Variants in KAT6B observed in about 807,000 individuals in gnomAD.
The protein encoded by KAT6B is lysine acetyltransferase 6B.
KAT6B carries 10 observed loss-of-function variants against 187.5 expected under a neutral mutation model. The ratio of observed to expected loss-of-function variants is 0.05; its 90% CI spans 0.03 to 0.09. The LOEUF (loss-of-function observed/expected upper bound fraction) is 0.09, where lower values mean the gene tolerates loss of function less well. Ranked by LOEUF, KAT6B falls within the 10% of genes least tolerant of loss-of-function variation. The probability of loss-of-function intolerance (pLI) is 1.00; values close to 1 mark genes in which losing one functional copy is unlikely to be tolerated. For synonymous variants in KAT6B, 861 were observed against 926.8 expected, an observed-to-expected ratio of 0.93 and a Z score of 1.29; for missense variants, 1,952 against 2,558.9, an observed-to-expected ratio of 0.76 and a Z score of 5.12.
chr10:74,825,154 C>G (rs772771196), upstream of KAT6B, among the ~76,000 whole-genome samples: 9 of 152,330 alleles, frequency 5.9e-5, no homozygotes, highest in South Asian at 1.0e-3. The surrounding 1 kb of genome is among the most constrained non-coding windows in gnomAD (Gnocchi z 5.0). Context: ...CGCGATCGCC[C>G]GAAGGCGCAA....
At chr10:74,963,462 C>T (rs968996128) in intron 4 of KAT6B, among the ~76,000 whole-genome samples, 5 of 152,066 alleles carry the variant, frequency 3.3e-5, no homozygotes, top group South Asian at 2.1e-4. Context: ...CTCATTGAAA[C>T]GGGAGACAGA....
chr10:75,000,648 G>T lies in KAT6B; in HGVS notation c.2629+11536G>T, dbSNP rs554614651. ...AGTTCGTCAGTTAAGTTAAATATCA[G>T]TTAATTGTACATTCAGGCATTTCTA... On this transcript the variant is annotated intron_variant, in intron 13 of 17. Coordinates refer to ENST00000287239, the MANE Select transcript of KAT6B (RefSeq NM_012330.4). Among the ~76,000 whole-genome samples the T allele has an allele frequency of 2.6e-5, 4 of 152,176 alleles. No homozygotes were observed. In the East Asian group the frequency reaches 5.8e-4, roughly 22 times the overall value.
chr10:75,011,214 C>T (rs1297478744), intron 13 of KAT6B, among the ~76,000 whole-genome samples: 1 of 152,034 alleles, frequency 6.6e-6, no homozygotes, highest in African/African-American at 2.4e-5. Context: ...CTAATGTAGA[C>T]TTTTGCCTAT....
At chr10:74,923,177 A>G (rs1302490983) in intron 3 of KAT6B, among the ~76,000 whole-genome samples, 1 of 152,234 alleles carries the variant, frequency 6.6e-6, no homozygotes, top group Non-Finnish European at 1.5e-5. Context: ...AACTTTATCA[A>G]TGAGTCATGG....
At chr10:74,886,151 AG>A (rs1208795234) in intron 3 of KAT6B, among the ~76,000 whole-genome samples, 1 of 152,176 alleles carries the variant, frequency 6.6e-6, no homozygotes, top group Non-Finnish European at 1.5e-5. Context: ...TAACAGGAGA[AG>A]GGGGAGCTGT....
chr10:74,909,926 G>A (rs747129026), intron 3 of KAT6B, among the ~76,000 whole-genome samples: 6 of 152,014 alleles, frequency 3.9e-5, no homozygotes, highest in African/African-American at 7.3e-5. Context: ...GTGGTCAGCT[G>A]CCTCTTCTTT....
chr10:75,002,749 G>T (rs1019524611), intron 13 of KAT6B, among the ~76,000 whole-genome samples: 1 of 152,142 alleles, frequency 6.6e-6, no homozygotes, highest in African/African-American at 2.4e-5. Context: ...AATCTTATGG[G>T]ACTACCATTG....
intron 3 of KAT6B, among the ~76,000 whole-genome samples, chr10:74,919,630 T>G (rs1847968436): frequency 6.6e-6 from 1 of 152,180 alleles, no homozygotes; most frequent in South Asian, 2.1e-4. Context: ...CTTGAACTCC[T>G]GATCTCAGGC....
chr10:75,010,851 G>T (rs1218362028), intron 13 of KAT6B, among the ~76,000 whole-genome samples: 1 of 152,214 alleles, frequency 6.6e-6, no homozygotes, highest in Non-Finnish European at 1.5e-5. Context: ...TGCATTTAGT[G>T]ATTTAGTTAA....
chr10:75,019,075 G>T (rs1468961282), intron 13 of KAT6B, among the ~76,000 whole-genome samples: 2 of 152,192 alleles, frequency 1.3e-5, no homozygotes, highest in Non-Finnish European at 2.9e-5. Flanking sequence ...GCTGGCTTCG[G>T]CACAGTGGCC....
chr10:74,962,760 A>C (rs1841191271), intron 4 of KAT6B, among the ~76,000 whole-genome samples: 1 of 152,168 alleles, frequency 6.6e-6, no homozygotes, highest in South Asian at 2.1e-4. Context: ...TTCTGCTTAC[A>C]TCATAAAGTA....
rs534721451 is a variant in KAT6B, at chr10:74,832,220, C to T, written c.-329+5435C>T. ...ATTTATGAAACTCTCAAAAGGGAAC[C>T]TGAATTTTTCAGGGTATCTGGATAT... is the stretch of plus-strand genomic sequence containing the variant. On this transcript the variant is annotated intron_variant, in intron 1 of 17. Coordinates refer to ENST00000287239, the MANE Select transcript of KAT6B (RefSeq NM_012330.4). Among the ~76,000 whole-genome samples the T allele has an allele frequency of 7.2e-5, 11 of 152,250 alleles. No individual in the cohort carries two copies. The East Asian group carries it at 2.1e-3, about 29-fold the overall frequency.
At chr10:74,863,726 A>G (rs1457459274) in intron 3 of KAT6B, among the ~76,000 whole-genome samples, 1 of 152,228 alleles carries the variant, frequency 6.6e-6, no homozygotes, top group Non-Finnish European at 1.5e-5. Context: ...ATTAATGGCC[A>G]TTGCTAAATA....
rs556528983 is a variant in KAT6B at position 74,828,874 on chromosome 10, A to G, written c.-329+2089A>G. On this transcript the variant is annotated intron_variant, in intron 1 of 17. Coordinates refer to ENST00000287239, the MANE Select transcript of KAT6B (RefSeq NM_012330.4). ...GAGCCACCGCGCCCGGCCATTCATA[A>G]GTTCTTTACACATTTATCAGAATGA... Among the ~76,000 whole-genome samples the G allele has an allele frequency of 2.0e-5, 3 of 152,168 alleles. No individual in the cohort carries two copies. In the South Asian group the frequency reaches 6.2e-4, roughly 32 times the overall value.
At chr10:75,014,855 A>G (rs1844871325) in intron 13 of KAT6B, among the ~76,000 whole-genome samples, 1 of 152,218 alleles carries the variant, frequency 6.6e-6, no homozygotes, top group African/African-American at 2.4e-5. Context: ...TGGCGAGTCC[A>G]TTCTCCAATT....
At chr10:74,933,834 TACTAATAAAAATTTC>T (rs1200656702) in intron 3 of KAT6B, among the ~76,000 whole-genome samples, 1 of 152,046 alleles carries the variant, frequency 6.6e-6, no homozygotes, top group Admixed American at 6.6e-5. Context: ...CACACCTAAG[TACTAATAAAAATTTC>T]AAGGGATTGA....
chr10:74,971,565 T>C (rs1841848074), intron 6 of KAT6B, among the ~76,000 whole-genome samples: 1 of 152,208 alleles, frequency 6.6e-6, no homozygotes, highest in Non-Finnish European at 1.5e-5. Context: ...GTTTTATTCT[T>C]GGCTGTTTGT....
At chr10:74,903,851 C>T (rs1014559844) in intron 3 of KAT6B, among the ~76,000 whole-genome samples, 2 of 152,202 alleles carry the variant, frequency 1.3e-5, no homozygotes, top group African/African-American at 2.4e-5. Flanking sequence ...GTGGAGCTGT[C>T]TCTCAGGGGT....
chr10:74,921,228 C>T (rs1381667277), intron 3 of KAT6B, among the ~76,000 whole-genome samples: 1 of 151,240 alleles, frequency 6.6e-6, no homozygotes, highest in Admixed American at 6.6e-5. Context: ...GATTCTCCTG[C>T]CTCATCCTCC....
Sources: allele counts gnomAD v4.1 joint callset (sites outside exome capture counted in the v4.1 genomes callset), GRCh38; gene constraint gnomAD v4.1.1; non-coding constraint Gnocchi (gnomAD v3.1); transcripts MANE v1.5; gene names NCBI Gene and HGNC (gene_info 2026-07-23, HGNC 2026-07-21).